The following RPTOR variants were observed in gnomAD, a reference collection of about 807,000 sequenced individuals.
The protein encoded by RPTOR is regulatory-associated protein of mTOR.
In RPTOR, 21 loss-of-function variants were observed where a neutral mutation model predicts 169.9. The observed-to-expected ratio is 0.12, with a 90% CI of 0.09 to 0.18. The LOEUF is 0.18. Ranked by LOEUF, RPTOR falls within the 10% of genes least tolerant of loss-of-function variation. RPTOR has a pLI of 1.00. For synonymous variants in RPTOR, 732 were observed against 753.2 expected, an observed-to-expected ratio of 0.97 and a Z score of 0.46; for missense variants, 1,133 against 1,855.9, an observed-to-expected ratio of 0.61 and a Z score of 7.16.
chr17:80,594,139 G>T (rs762553680), intron 1 of RPTOR, among the ~76,000 whole-genome samples: 1 of 151,694 alleles, frequency 6.6e-6, no homozygotes, highest in Non-Finnish European at 1.5e-5. Flanking sequence ...TATCACCCAG[G>T]CTGCAGTGCA....
At chr17:80,687,180 T>A (rs148966037) in intron 3 of RPTOR, among the ~76,000 whole-genome samples, 27 of 152,348 alleles carry the variant, frequency 1.8e-4, no homozygotes, top group African/African-American at 6.3e-4. Flanking sequence ...CCGAGAGTTC[T>A]GTCCGTCCCA....
intron 13 of RPTOR, among the ~76,000 whole-genome samples, chr17:80,871,339 G>A (rs143254963): frequency 6.6e-6 from 1 of 152,182 alleles, no homozygotes; most frequent in Non-Finnish European, 1.5e-5. Flanking sequence ...TCGATCTCCT[G>A]ACTGCGTGAG....
chr17:80,603,343 C>T (rs1029890619), intron 1 of RPTOR, among the ~76,000 whole-genome samples: 36 of 152,182 alleles, frequency 2.4e-4, no homozygotes, highest in Non-Finnish European at 8.8e-5. Context: ...CACATCTAGG[C>T]GATGGTCTAA....
intron 1 of RPTOR, among the ~76,000 whole-genome samples, chr17:80,572,123 C>T (rs374274567): frequency 1.1e-4 from 17 of 152,060 alleles, no homozygotes; most frequent in African/African-American, 2.7e-4. Flanking sequence ...TTAGAGACTG[C>T]GTCTCACTCT....
intron 1 of RPTOR, among the ~76,000 whole-genome samples, chr17:80,598,878 T>TCCTTTCTA (rs1555593582): frequency 2.4e-5 from 3 of 124,208 alleles, no homozygotes; most frequent in Non-Finnish European, 5.1e-5. Flanking sequence ...ACTTTCTTGA[T>TCCTTTCTA]TCTTTCTATC....
chr17:80,640,448 C>A (rs998524464), intron 2 of RPTOR, among the ~76,000 whole-genome samples: 4 of 152,212 alleles, frequency 2.6e-5, no homozygotes, highest in Non-Finnish European at 4.4e-5. Flanking sequence ...TTCAGCTCTC[C>A]CACCCACTGC....
chr17:80,625,420 C>T (rs906741355), intron 1 of RPTOR, among the ~76,000 whole-genome samples: 3 of 152,088 alleles, frequency 2.0e-5, no homozygotes, highest in Non-Finnish European at 4.4e-5. Flanking sequence ...AATTCCATTT[C>T]TGGAGATTTA....
At chr17:80,962,662 C>A in intron 32 of RPTOR, 85 bp downstream of exon 32, 1 of 1,314,108 alleles carries the variant, frequency 7.6e-7, no homozygotes, top group Middle Eastern at 2.0e-4. Context: ...TTCCTGCCCC[C>A]AGGAGCTGAA....
intron 1 of RPTOR, among the ~76,000 whole-genome samples, chr17:80,619,967 A>G (rs991427657): frequency 1.3e-5 from 2 of 152,212 alleles, no homozygotes; most frequent in African/African-American, 4.8e-5. Flanking sequence ...GAGCCGGGGC[A>G]CAGGATCCTT....
At chr17:80,685,614 TATATATATA>T (rs2065934838) in intron 3 of RPTOR, among the ~76,000 whole-genome samples, 1 of 21,546 alleles carries the variant, frequency 4.6e-5, no homozygotes. Context: ...TATATATATA[TATATATATA>T]TATATTTTTT....
At chr17:80,740,306 A>G (rs1199419127) in intron 5 of RPTOR, among the ~76,000 whole-genome samples, 1 of 152,246 alleles carries the variant, frequency 6.6e-6, no homozygotes, top group East Asian at 1.9e-4. Flanking sequence ...CTGCAGGCAT[A>G]CATGGTTTCA....
intron 3 of RPTOR, 30 bp downstream of exon 3, chr17:80,643,840 C>G (rs113816729): frequency 0.012 from 19,073 of 1,538,462 alleles, 152 homozygotes; most frequent in Non-Finnish European, 0.014. Flanking sequence ...TCTTCCCTTT[C>G]CTTCTTACAG....
At chr17:80,835,367 AAC>A (rs1356974536) in intron 9 of RPTOR, among the ~76,000 whole-genome samples, 2 of 152,348 alleles carry the variant, frequency 1.3e-5, no homozygotes, top group African/African-American at 4.8e-5. Context: ...CCTAAAAAAT[AAC>A]ACAGAGTCCT....
intron 9 of RPTOR, among the ~76,000 whole-genome samples, chr17:80,832,989 G>C (rs1057288705): frequency 6.6e-6 from 1 of 152,160 alleles, no homozygotes; most frequent in South Asian, 2.1e-4. Flanking sequence ...ACTCAGAGCC[G>C]GCTTTCTGTT....
At chr17:80,769,551 G>C in intron 6 of RPTOR, among the ~76,000 whole-genome samples, 1 of 152,138 alleles carries the variant, frequency 6.6e-6, no homozygotes. Context: ...CTGTGTGCCC[G>C]GAAAAGAGGG....
intron 1 of RPTOR, among the ~76,000 whole-genome samples, chr17:80,618,596 G>A (rs1315123497): frequency 1.3e-5 from 2 of 152,172 alleles, no homozygotes; most frequent in Non-Finnish European, 1.5e-5. Flanking sequence ...GTTTCCTTTT[G>A]ATCAGGATGT....
Position 80,708,549 on chromosome 17 carries a change from G to C in RPTOR, c.507+550G>C, listed in dbSNP as rs2066158496. On this transcript the variant is annotated intron_variant, in intron 4 of 33. Transcript: ENST00000306801. The surrounding 1 kb of genome is among the most constrained non-coding windows in gnomAD (Gnocchi z 4.2). Reference sequence around the variant, plus strand: ...TTGCTGTGGGTGGTGGGTGCTGACTGTCATCCCCATCCTCCAGGGTGTGGT... The same window carrying C: ...TTGCTGTGGGTGGTGGGTGCTGACTCTCATCCCCATCCTCCAGGGTGTGGT... Among the ~76,000 whole-genome samples the C allele has an allele frequency of 6.6e-6, 1 of 151,924 alleles. No homozygotes were observed. The highest frequency in any genetic ancestry group is 1.5e-5 in the Non-Finnish European group (1 of 68,006).
At chr17:80,570,230 CGTT>C (rs2064889550) in intron 1 of RPTOR, among the ~76,000 whole-genome samples, 1 of 152,056 alleles carries the variant, frequency 6.6e-6, no homozygotes. Flanking sequence ...CTGTATGACT[CGTT>C]GTTCAATGCC....
At chr17:80,840,573 G>A (rs374142981) in intron 10 of RPTOR, among the ~76,000 whole-genome samples, 12 of 97,174 alleles carry the variant, frequency 1.2e-4, no homozygotes, top group South Asian at 7.0e-4. Context: ...AGCTCACACC[G>A]CACGGCAGCT....
Sources: allele counts gnomAD v4.1 joint callset (sites outside exome capture counted in the v4.1 genomes callset), GRCh38; gene constraint gnomAD v4.1.1; non-coding constraint Gnocchi (gnomAD v3.1); transcripts MANE v1.5; gene names NCBI Gene and HGNC (gene_info 2026-07-23, HGNC 2026-07-21).